Variants in UNC5D observed in about 807,000 individuals in gnomAD.
UNC5D encodes unc-5 netrin receptor D.
Under a neutral mutation model 105.4 loss-of-function variants are expected in UNC5D, and 39 were observed. The ratio of observed to expected loss-of-function variants is 0.37; its 90% CI spans 0.29 to 0.48. UNC5D has a LOEUF of 0.48. UNC5D is among the 20% of genes least tolerant of loss of function. The pLI is 0.98. For missense variants in UNC5D, 991 were observed against 1,202.4 expected (o/e 0.82, Z 2.60); for synonymous variants, 452 against 450.4 (o/e 1.00, Z -0.04).
chr8:35,731,008 T>C lies in UNC5D; in HGVS notation c.1682-4T>C. Reference sequence around the variant, plus strand: ...GAATAACCTGTTGGCTTTTTCTGTTTTAGGGGTGAGCTTACTCATACCACA... The same window carrying C: ...GAATAACCTGTTGGCTTTTTCTGTTCTAGGGGTGAGCTTACTCATACCACA... On this transcript the variant is annotated splice_polypyrimidine_tract_variant and splice_region_variant and intron_variant, in intron 10 of 16. Coordinates refer to ENST00000404895, the MANE Select transcript of UNC5D (RefSeq NM_080872.4). 6.2e-7 allele frequency: 1 copy of C among 1,613,680 alleles called. No homozygotes were observed. Among genetic ancestry groups the C allele is most frequent in the Non-Finnish European group, 8.5e-7 (1 of 1,179,726 alleles).
intron 1 of UNC5D, chr8:35,544,610 T>TA: frequency 6.7e-7 from 1 of 1,499,574 alleles, no homozygotes; most frequent in Non-Finnish European, 8.9e-7. Context: ...TTTTTTTTTT[T>TA]TTTTTTTTTT....
intron 1 of UNC5D, among the ~76,000 whole-genome samples, chr8:35,265,621 A>C (rs939286955): frequency 3.9e-5 from 6 of 152,296 alleles, no homozygotes; most frequent in Non-Finnish European, 7.4e-5. Context: ...CTGTAATCCC[A>C]GCACTTTGGG....
intron 1 of UNC5D, among the ~76,000 whole-genome samples, chr8:35,517,220 T>C (rs891270390): frequency 1.3e-5 from 2 of 152,196 alleles, no homozygotes; most frequent in African/African-American, 4.8e-5. Flanking sequence ...CTTTAACTTT[T>C]CTAAGACATC....
At chr8:35,738,947 A>G (rs16884360) in intron 11 of UNC5D, among the ~76,000 whole-genome samples, 14,731 of 152,176 alleles carry the variant, frequency 0.097, 2,055 homozygotes, top group African/African-American at 0.31. Flanking sequence ...GAAGAATCCA[A>G]TTGATGGTAT....
At chr8:35,546,395 T>A (rs1489461728) in intron 1 of UNC5D, among the ~76,000 whole-genome samples, 1 of 152,250 alleles carries the variant, frequency 6.6e-6, no homozygotes, top group Non-Finnish European at 1.5e-5. Context: ...TAAAACTTGA[T>A]CTATTACATG....
rs1420421726 is a variant in UNC5D at position 35,531,113 on chromosome 8, T to G, written c.104-18179T>G. On this transcript the variant is annotated intron_variant, in intron 1 of 16. Transcript: ENST00000404895. The stretch of plus-strand genomic sequence containing the variant: ...CTTTTGAATGTGTTTGCTCTTGCTT[T>G]TCTAGTTCTTTTAATTGTGATGTTA... Among the ~76,000 whole-genome samples the G allele has an allele frequency of 2.9e-3, 373 of 126,620 alleles. 3 individuals are homozygous for G. The highest frequency in any genetic ancestry group is 0.011 in the African/African-American group (352 of 31,342). 83.1% of individuals were successfully genotyped at this position (126,620 alleles called of 152,430 possible).
At chr8:35,697,075 A>G (rs1826834071) in intron 7 of UNC5D, among the ~76,000 whole-genome samples, 1 of 152,084 alleles carries the variant, frequency 6.6e-6, no homozygotes, top group Non-Finnish European at 1.5e-5. Context: ...GAGCAAGAAG[A>G]TCTCTAAGTT....
chr8:35,699,239 G>A lies in UNC5D; in HGVS notation c.1085-6690G>A, dbSNP rs185120539. On this transcript the variant is annotated intron_variant, in intron 7 of 16. Transcript: ENST00000404895. ...TGCCACTTATGAGCATAGTCATTAA[G>A]GATACTTATTTGTCCAGTCCCCCCA... Among the ~76,000 whole-genome samples the A allele has an allele frequency of 5.0e-4, 76 of 152,220 alleles. 1 individual carries two copies. The East Asian group carries it at 0.014, about 29-fold the overall frequency.
At chr8:35,436,428 T>C (rs879351762) in intron 1 of UNC5D, among the ~76,000 whole-genome samples, 14 of 152,092 alleles carry the variant, frequency 9.2e-5, no homozygotes, top group Non-Finnish European at 1.9e-4. Flanking sequence ...AAGAAAGCTA[T>C]ATTTTGGGGC....
At chr8:35,530,115 T>A (rs1814230651) in intron 1 of UNC5D, among the ~76,000 whole-genome samples, 1 of 152,100 alleles carries the variant, frequency 6.6e-6, no homozygotes, top group African/African-American at 2.4e-5. Context: ...GGCATCCCTG[T>A]CTTGTGCTAG....
chr8:35,705,314 C>G (rs551767317), intron 7 of UNC5D, among the ~76,000 whole-genome samples: 5 of 152,306 alleles, frequency 3.3e-5, no homozygotes, highest in Non-Finnish European at 5.9e-5. Flanking sequence ...CTGCTAAATA[C>G]TGTGATTATA....
chr8:35,399,175 T>A (rs1300053025), intron 1 of UNC5D, among the ~76,000 whole-genome samples: 2 of 147,560 alleles, frequency 1.4e-5, no homozygotes, highest in African/African-American at 2.5e-5. Flanking sequence ...AAAAGTCCTC[T>A]ACATAACCAT....
chr8:35,745,640 T>C (rs1232150080), intron 11 of UNC5D, among the ~76,000 whole-genome samples: 2 of 152,212 alleles, frequency 1.3e-5, no homozygotes, highest in Non-Finnish European at 2.9e-5. Flanking sequence ...ACTTCTTCTA[T>C]CTATACACAG....
At chr8:35,499,873 T>C (rs1163026154) in intron 1 of UNC5D, among the ~76,000 whole-genome samples, 1 of 152,206 alleles carries the variant, frequency 6.6e-6, no homozygotes, top group East Asian at 1.9e-4. Context: ...ACACAAACAT[T>C]TCATTCTCTC....
At chr8:35,611,608 T>A (rs954468913) in intron 4 of UNC5D, among the ~76,000 whole-genome samples, 3 of 152,210 alleles carry the variant, frequency 2.0e-5, no homozygotes, top group South Asian at 4.1e-4. Context: ...ACCTGAAATG[T>A]GAATGAATGA....
intron 7 of UNC5D, among the ~76,000 whole-genome samples, chr8:35,701,457 TAG>T (rs1827190527): frequency 6.6e-6 from 1 of 152,040 alleles, no homozygotes. Flanking sequence ...TGTTCTCTAG[TAG>T]AGGCTGGATA....
At chr8:35,774,910 G>GT (rs1802173092) in intron 16 of UNC5D, among the ~76,000 whole-genome samples, 1 of 127,254 alleles carries the variant, frequency 7.9e-6, no homozygotes, top group Non-Finnish European at 1.5e-5. Flanking sequence ...ATGGGCAACA[G>GT]AGTAAGACCC....
At chr8:35,326,169 C>G (rs1015711455) in intron 1 of UNC5D, among the ~76,000 whole-genome samples, 1 of 152,086 alleles carries the variant, frequency 6.6e-6, no homozygotes, top group Non-Finnish European at 1.5e-5. Context: ...TTATTCAGGC[C>G]TAAGCGGGCT....
intron 4 of UNC5D, among the ~76,000 whole-genome samples, chr8:35,653,560 C>A (rs1186310494): frequency 6.6e-6 from 1 of 152,110 alleles, no homozygotes; most frequent in Non-Finnish European, 1.5e-5. Flanking sequence ...TGTCTGCTAG[C>A]CAGTTGCTCC....
Sources: allele counts gnomAD v4.1 joint callset (sites outside exome capture counted in the v4.1 genomes callset), GRCh38; gene constraint gnomAD v4.1.1; transcripts MANE v1.5; gene names NCBI Gene and HGNC (gene_info 2026-07-23, HGNC 2026-07-21).